The following CGB1 variants were observed in gnomAD, a reference collection of about 807,000 sequenced individuals.
The protein encoded by CGB1 is choriogonadotropin subunit beta variant 1.
CGB1 carries 4 observed loss-of-function variants against 7.0 expected under a neutral mutation model. That is an observed-to-expected ratio of 0.57 (90% CI 0.28 to 1.31). The LOEUF (loss-of-function observed/expected upper bound fraction) is 1.31. Ranked by LOEUF, CGB1 falls within the 50% of genes most tolerant of loss-of-function variation. The pLI is 0.10. For synonymous variants in CGB1, 72 were observed against 96.4 expected (o/e 0.75, Z 1.48); for missense variants, 139 against 219.1 (o/e 0.63, Z 2.31).
intron 1 of CGB1, 51 bp from the exon 2 acceptor site, chr19:49,036,354 C>T (rs374293345): frequency 9.2e-5 from 148 of 1,602,292 alleles, no homozygotes; most frequent in Admixed American, 2.0e-4. Flanking sequence ...GCCCCCAGTC[C>T]TGGCCTTCCC....
In CGB1 at chr19:49,035,746, C is replaced by T; in HGVS notation, c.332G>A (p.Cys111Tyr). The T allele has an allele frequency of 6.2e-7, 1 of 1,607,824 alleles. No individual in the cohort carries two copies. Among genetic ancestry groups the T allele is most frequent in the African/African-American group, 1.4e-5 (1 of 73,242 alleles). ...CCCGCAGTCAGTGGTGCTGCGGCGG[C>T]AGAGTGCACATTGACAGCTGAGAGC... The part of the protein sequence containing the change: ...AVALSCQCAL[C>Y]RRSTTDCGGP... The change falls in exon 3 of 3, where the codon TGC becomes TAC. Residue 111 changes from cysteine (C) to tyrosine (Y), a missense_variant. By Grantham distance (194) the Cys-to-Tyr change is radical. Coordinates refer to ENST00000301407, the MANE Select transcript of CGB1 (RefSeq NM_033377.2).
rs539760342 is a variant in CGB1 at position 49,035,803 on chromosome 19, C to T, written c.275G>A (p.Arg92His). ...FESIRLPGCPRGVNPVVSYAV... is the reference protein window; with the variant it reads ...FESIRLPGCPHGVNPVVSYAV... Reference sequence around the variant, plus strand: ...GTAGGAGACCACGGGGTTCACGCCGCGCGGGCAGCCAGGGAGCCGGATGGA... The same window carrying T: ...GTAGGAGACCACGGGGTTCACGCCGTGCGGGCAGCCAGGGAGCCGGATGGA... Residue 92 changes from arginine (R) to histidine (H), a missense_variant, in exon 3 of 3, where the codon CGC (arginine) becomes CAC (histidine). Coordinates refer to ENST00000301407, the MANE Select transcript of CGB1 (RefSeq NM_033377.2). The T allele has an allele frequency of 9.8e-5, 156 of 1,588,712 alleles. 1 individual carries two copies. In the South Asian group the frequency reaches 1.7e-3, roughly 17 times the overall value.
Position 49,035,667 on chromosome 19 carries a change from A to G in CGB1, c.411T>C (p.Ser137=), listed in dbSNP as rs747191041. The part of the protein sequence containing the change: ...TCDDPRFQDS[S]SSKAPPPSLP... The stretch of plus-strand genomic sequence containing the variant: ...GGCTGGGGGGAGGGGCCTTTGAGGA[A>G]GAGGAGTCCTGGAAGCGGGGGTCAT... Residue 137 remains serine (S), a synonymous_variant, in exon 3 of 3, where the codon TCT becomes TCC. Coordinates refer to ENST00000301407, the MANE Select transcript of CGB1 (RefSeq NM_033377.2). 1.2e-6 allele frequency: 2 copies of G among 1,610,714 alleles called. No individual in the cohort carries two copies. Among genetic ancestry groups the G allele is most frequent in the East Asian group, 2.2e-5 (1 of 44,840 alleles).
Position 49,036,690 on chromosome 19 carries a change from G to A in CGB1, c.9+13C>T, listed in dbSNP as rs113383936. ...CTCCATCTTTGGTGCCCGGAAATGT[G>A]GATCTACCCTACCTTTGACATGTCT... On this transcript the variant is annotated intron_variant, in intron 1 of 2. Coordinates refer to ENST00000301407, the MANE Select transcript of CGB1 (RefSeq NM_033377.2). The A allele has an allele frequency of 6.2e-7, 1 of 1,613,748 alleles. No individual in the cohort carries two copies. Among genetic ancestry groups the A allele is most frequent in the South Asian group, 1.1e-5 (1 of 90,984 alleles).
chr19:49,036,514 G>A, intron 1 of CGB1, 189 bp downstream of exon 1: 2 of 1,592,944 alleles, frequency 1.3e-6, no homozygotes, highest in Admixed American at 1.7e-5. Context: ...GCACCCTCAG[G>A]AACTGACCCA....
rs375233005 is a variant in CGB1, at chr19:49,036,773, G to C, written c.-62C>G. ...GGAATGTGGACATGGAAAGTAAATT[G>C]AGTCTCCGTGGGGGAGTGAGACAGG... On this transcript the variant is annotated 5_prime_UTR_variant, in exon 1 of 3. Transcript: ENST00000301407. The C allele has an allele frequency of 6.2e-7, 1 of 1,612,184 alleles. No homozygotes were observed. The highest frequency in any genetic ancestry group is 1.7e-5 in the Admixed American group (1 of 59,982).
Position 49,036,738 on chromosome 19 carries a change from G to C in CGB1, c.-27C>G. On this transcript the variant is annotated 5_prime_UTR_variant, in exon 1 of 3. Coordinates refer to ENST00000301407, the MANE Select transcript of CGB1 (RefSeq NM_033377.2). ...TCTCTCTCTTAGCGGGATATCTTCC[G>C]CAAGCACTGGGAATGTGGACATGGA... 1 of 1,613,764 alleles carries C rather than the reference G, an allele frequency of 6.2e-7. No homozygotes were observed. The highest frequency in any genetic ancestry group is 2.2e-5 in the East Asian group (1 of 44,872).
chr19:49,036,428 C>T (rs1484857127), intron 1 of CGB1, 125 bp from the exon 2 acceptor site: 26 of 1,582,070 alleles, frequency 1.6e-5, no homozygotes, highest in Non-Finnish European at 2.2e-5. Context: ...TATTCAGGAC[C>T]CACCACCCGG....
At chr19:49,036,584 G>A in intron 1 of CGB1, 119 bp downstream of exon 1, 2 of 1,613,684 alleles carry the variant, frequency 1.2e-6, no homozygotes, top group Non-Finnish European at 8.5e-7. Context: ...CAGCTCACAC[G>A]GGTCTGCCCC....
intron 2 of CGB1, 46 bp from the exon 3 acceptor site, chr19:49,035,946 C>T (rs545804587): frequency 8.5e-6 from 10 of 1,180,324 alleles, no homozygotes; most frequent in Admixed American, 2.3e-5. Flanking sequence ...CTGGGGCCAG[C>T]GCCTCAGCTG....
At position 49,036,845 on chromosome 19, in the gene CGB1, G is replaced by C; in HGVS notation, c.-134C>G. On this transcript the variant is annotated 5_prime_UTR_variant, in exon 1 of 3. Coordinates refer to ENST00000301407, the MANE Select transcript of CGB1 (RefSeq NM_033377.2). The stretch of plus-strand genomic sequence containing the variant: ...GCACGGGAACCTGGCCAGAGTCAGC[G>C]GACCCAATTGGCTGCTCTCTCTCAG... The C allele has an allele frequency of 1.6e-6, 2 of 1,280,204 alleles. No homozygotes were observed. The highest frequency in any genetic ancestry group is 2.3e-6 in the Non-Finnish European group (2 of 887,260). The allele number at this position is 1,280,204 out of a possible 1,614,324, so 79.3% of individuals were successfully genotyped here. A position where few individuals can be genotyped will look rare whatever the true frequency, so the allele number is the denominator to read the frequency against.
In CGB1 at chr19:49,035,742, G is replaced by T. The variant is rs1345340610; in HGVS notation, c.336C>A (p.Arg112=). The change falls in exon 3 of 3, where the codon CGC becomes CGA. Residue 112 remains arginine, a synonymous_variant. Transcript: ENST00000301407. Reference sequence around the variant, plus strand: ...GACCCCCGCAGTCAGTGGTGCTGCGGCGGCAGAGTGCACATTGACAGCTGA... The same window carrying T: ...GACCCCCGCAGTCAGTGGTGCTGCGTCGGCAGAGTGCACATTGACAGCTGA... ...VALSCQCALC[R]RSTTDCGGPK... is the part of the protein sequence containing the mutation. The T allele has an allele frequency of 3.1e-6, 5 of 1,608,196 alleles. No individual in the cohort carries two copies. The African/African-American group carries it at 6.8e-5, about 22-fold the overall frequency.
intron 1 of CGB1, 144 bp from the exon 2 acceptor site, chr19:49,036,447 C>T (rs186325363): frequency 1.9e-6 from 3 of 1,563,080 alleles, no homozygotes; most frequent in African/African-American, 2.7e-5. Context: ...GGACACCTGC[C>T]TTTCAGAGCC....
In CGB1 at chr19:49,036,437, G is replaced by A. The variant is rs535443918; in HGVS notation, c.10-134C>T. The A allele has an allele frequency of 2.5e-5, 39 of 1,571,014 alleles. No individual in the cohort carries two copies. In the African/African-American group the frequency reaches 3.0e-4, roughly 12 times the overall value. On this transcript the variant is annotated intron_variant, in intron 1 of 2. Coordinates refer to ENST00000301407, the MANE Select transcript of CGB1 (RefSeq NM_033377.2). ...ATCTTCTATTCAGGACCCACCACCC[G>A]GACACCTGCCTTTCAGAGCCCACCC... is the stretch of plus-strand genomic sequence containing the variant.
In CGB1 at chr19:49,036,828, A is replaced by G; in HGVS notation, c.-117T>C. 2.7e-6 allele frequency: 4 copies of G among 1,488,444 alleles called. No individual in the cohort carries two copies. The South Asian group carries it at 4.5e-5, about 17-fold the overall frequency. 92.2% of individuals were successfully genotyped at this position (1,488,444 alleles called of 1,614,324 possible). A position where few individuals can be genotyped will look rare whatever the true frequency, so the allele number is the denominator to read the frequency against. On this transcript the variant is annotated 5_prime_UTR_variant, in exon 1 of 3. Coordinates refer to ENST00000301407, the MANE Select transcript of CGB1 (RefSeq NM_033377.2). ...GAGGGGTGTTGGACGCGGCACGGGAACCTGGCCAGAGTCAGCGGACCCAAT... is the reference window on the plus strand; with the variant it reads ...GAGGGGTGTTGGACGCGGCACGGGAGCCTGGCCAGAGTCAGCGGACCCAAT...
chr19:49,036,744 A>C lies in CGB1; in HGVS notation c.-33T>G, dbSNP rs766140640. 7 of 1,613,720 alleles carry C rather than the reference A, an allele frequency of 4.3e-6. No individual in the cohort carries two copies. The highest frequency in any genetic ancestry group is 4.2e-6 in the Non-Finnish European group (5 of 1,179,684). ...TCTTAGCGGGATATCTTCCGCAAGC[A>C]CTGGGAATGTGGACATGGAAAGTAA... On this transcript the variant is annotated 5_prime_UTR_variant, in exon 1 of 3. Coordinates refer to ENST00000301407, the MANE Select transcript of CGB1 (RefSeq NM_033377.2).
At position 49,036,552 on chromosome 19, in the gene CGB1, T is replaced by A; in HGVS notation, c.9+151A>T. 3.1e-6 allele frequency: 5 copies of A among 1,610,982 alleles called. No individual in the cohort carries two copies. The South Asian group carries it at 5.5e-5, about 18-fold the overall frequency. ...TGAAGCTTACTGGGGGTCACGCTCC[T>A]CCAGAAAGAGGCCTCCTTCCACAGC... On this transcript the variant is annotated intron_variant, in intron 1 of 2. Coordinates refer to ENST00000301407, the MANE Select transcript of CGB1 (RefSeq NM_033377.2).
intron 1 of CGB1, 45 bp from the exon 2 acceptor site, chr19:49,036,348 C>T (rs1442512386): frequency 1.2e-6 from 2 of 1,602,454 alleles, no homozygotes; most frequent in Admixed American, 3.3e-5. Flanking sequence ...ACTGCAGCCC[C>T]CAGTCCTGGC....
chr19:49,036,821 C>G lies in CGB1; in HGVS notation c.-110G>C. Reference sequence around the variant, plus strand: ...AGGGAGTGAGGGGTGTTGGACGCGGCACGGGAACCTGGCCAGAGTCAGCGG... The same window carrying G: ...AGGGAGTGAGGGGTGTTGGACGCGGGACGGGAACCTGGCCAGAGTCAGCGG... On this transcript the variant is annotated 5_prime_UTR_variant, in exon 1 of 3. Transcript: ENST00000301407. The G allele has an allele frequency of 2.6e-6, 4 of 1,534,144 alleles. No homozygotes were observed. In the South Asian group the frequency reaches 4.5e-5, roughly 17 times the overall value.
Sources: allele counts gnomAD v4.1 joint callset, GRCh38; gene constraint gnomAD v4.1.1; transcripts MANE v1.5; gene names NCBI Gene and HGNC (gene_info 2026-07-23, HGNC 2026-07-21).